Variants in HDAC9 observed in about 807,000 individuals in gnomAD.
HDAC9 encodes the protein histone deacetylase 9.
A neutral mutation model predicts 139.4 loss-of-function variants in HDAC9; 41 were observed. The observed-to-expected ratio is 0.29, with a 90% CI of 0.23 to 0.38. The LOEUF is 0.38. Ranked by LOEUF, HDAC9 falls within the 10% of genes least tolerant of loss-of-function variation. The pLI, the probability that HDAC9 is intolerant of heterozygous loss-of-function variation, is 1.00. For missense variants in HDAC9, 1,147 were observed against 1,297.0 expected, an observed-to-expected ratio of 0.88 and a Z score of 1.78; for synonymous variants, 517 against 476.2, an observed-to-expected ratio of 1.09 and a Z score of -1.12.
intron 25 of HDAC9, among the ~76,000 whole-genome samples, chr7:18,986,961 T>C (rs1785410454): frequency 6.6e-6 from 1 of 151,684 alleles, no homozygotes; most frequent in African/African-American, 2.4e-5. Context: ...CTTAAGGAGA[T>C]TTTGGGCTGA....
intron 13 of HDAC9, among the ~76,000 whole-genome samples, chr7:18,741,491 GA>G (rs973248306): frequency 3.2e-4 from 49 of 152,100 alleles, no homozygotes; most frequent in South Asian, 6.2e-4. Flanking sequence ...GCTCAGGGGG[GA>G]AAAAAAGTTC....
intron 2 of HDAC9, among the ~76,000 whole-genome samples, chr7:18,171,880 T>G (rs1302295617): frequency 2.0e-5 from 3 of 152,222 alleles, no homozygotes; most frequent in African/African-American, 7.2e-5. Flanking sequence ...GCATCGATGT[T>G]CATCAGGGAT....
intron 23 of HDAC9, among the ~76,000 whole-genome samples, chr7:18,942,219 C>T (rs533350541): frequency 1.1e-4 from 17 of 151,944 alleles, no homozygotes; most frequent in South Asian, 1.0e-3. Context: ...CTACAGAGAT[C>T]GAGGAATATT....
intron 1 of HDAC9, among the ~76,000 whole-genome samples, chr7:18,380,401 T>C (rs1785326264): frequency 6.6e-6 from 1 of 152,202 alleles, no homozygotes; most frequent in Non-Finnish European, 1.5e-5. Flanking sequence ...TCAAATTAAA[T>C]TGTATTGATT....
At chr7:18,446,413 A>C (rs1171360270) in intron 1 of HDAC9, among the ~76,000 whole-genome samples, 2 of 152,206 alleles carry the variant, frequency 1.3e-5, no homozygotes, top group African/African-American at 4.8e-5. Context: ...CATAGATTTG[A>C]CAGGACTTGA....
rs185274759 is a variant in HDAC9, at chr7:18,504,693, G to T, written c.22+8369G>T. Among the ~76,000 whole-genome samples the T allele has an allele frequency of 4.3e-4, 66 of 152,282 alleles. 1 individual carries two copies. The highest frequency in any genetic ancestry group is 3.7e-3 in the Admixed American group (56 of 15,296). On this transcript the variant is annotated intron_variant, in intron 2 of 25. Transcript: ENST00000686413. ...TTTTATTATTGACACAATGGCTAAT[G>T]TTTCAAAAGTTTCTCTGTGTATCAC...
chr7:18,841,584 G>A (rs1796587511), intron 21 of HDAC9, among the ~76,000 whole-genome samples: 1 of 152,122 alleles, frequency 6.6e-6, no homozygotes, highest in Non-Finnish European at 1.5e-5. Context: ...GGCTTCTGAG[G>A]CAGCAAGTGT....
intron 1 of HDAC9, chr7:18,087,960 C>A (rs998325497): frequency 6.6e-6 from 1 of 152,242 alleles, no homozygotes; most frequent in Admixed American, 6.5e-5. Context: ...ATCCGAGGCG[C>A]GGTTGTCAGG....
intron 1 of HDAC9, among the ~76,000 whole-genome samples, chr7:18,478,661 A>G (rs1795314138): frequency 6.6e-6 from 1 of 152,192 alleles, no homozygotes; most frequent in Non-Finnish European, 1.5e-5. Context: ...TCCCTTACAA[A>G]ATACAAAGTA....
chr7:18,894,386 G>A (rs1585246091), intron 22 of HDAC9, among the ~76,000 whole-genome samples: 1 of 152,202 alleles, frequency 6.6e-6, no homozygotes, highest in East Asian at 1.9e-4. Context: ...CACTGGCAGA[G>A]TGTGCTGTCC....
In HDAC9 at chr7:18,360,141, A is replaced by G. The variant is rs151043665; in HGVS notation, c.-42+69626A>G. Among the ~76,000 whole-genome samples the G allele has an allele frequency of 6.1e-3, 932 of 152,288 alleles. 9 individuals are homozygous for G. The highest frequency in any genetic ancestry group is 0.022 in the African/African-American group (896 of 41,562). On this transcript the variant is annotated intron_variant, in intron 1 of 3. Coordinates refer to the HDAC9 transcript ENST00000413509. Reference sequence around the variant, plus strand: ...TTTTTATGGTTTCTTGGACTCAACTATAATTGTAATTAAGAGATTAATCTC... The same window carrying G: ...TTTTTATGGTTTCTTGGACTCAACTGTAATTGTAATTAAGAGATTAATCTC...
chr7:18,183,224 T>C (rs928164102), intron 2 of HDAC9, among the ~76,000 whole-genome samples: 7 of 152,140 alleles, frequency 4.6e-5, no homozygotes, highest in Non-Finnish European at 1.0e-4. Context: ...TTAGCCAGGA[T>C]GGTCTTGATC....
chr7:18,281,045 C>A (rs1161523764), intron 2 of HDAC9, among the ~76,000 whole-genome samples: 1 of 152,178 alleles, frequency 6.6e-6, no homozygotes, highest in Non-Finnish European at 1.5e-5. Context: ...CTCTTCCCCT[C>A]TCCTTGACAC....
chr7:18,628,934 C>A (rs79510024), intron 6 of HDAC9, among the ~76,000 whole-genome samples: 4,964 of 152,144 alleles, frequency 0.033, 283 homozygotes, highest in African/African-American at 0.11. Flanking sequence ...TCTCTAAAAT[C>A]ACATTCAGTT....
intron 2 of HDAC9, among the ~76,000 whole-genome samples, chr7:18,263,148 T>C (rs898046560): frequency 6.6e-6 from 1 of 152,070 alleles, no homozygotes; most frequent in African/African-American, 2.4e-5. Flanking sequence ...AGTAAAAGAA[T>C]GTAGAAAGTA....
At chr7:18,632,520 G>A (rs1157638987) in intron 7 of HDAC9, among the ~76,000 whole-genome samples, 1 of 151,902 alleles carries the variant, frequency 6.6e-6, no homozygotes, top group African/African-American at 2.4e-5. Context: ...GGTGGGATTC[G>A]GCCTGCAATG....
At chr7:18,295,951 T>C (rs1017674843) in intron 1 of HDAC9, among the ~76,000 whole-genome samples, 8 of 152,194 alleles carry the variant, frequency 5.3e-5, no homozygotes, top group African/African-American at 1.9e-4. Context: ...CATAGACTAA[T>C]GCAGACCTGC....
At chr7:18,774,731 A>C (rs752121220) in intron 16 of HDAC9, among the ~76,000 whole-genome samples, 9 of 152,050 alleles carry the variant, frequency 5.9e-5, no homozygotes, top group Non-Finnish European at 1.3e-4. Context: ...AGACCACTCA[A>C]ACTTTCTCCA....
intron 2 of HDAC9, among the ~76,000 whole-genome samples, chr7:18,187,911 A>C (rs1288393490): frequency 6.6e-6 from 1 of 152,152 alleles, no homozygotes; most frequent in East Asian, 1.9e-4. Context: ...GTCTGATAAG[A>C]ATCACCTGGG....
Sources: allele counts gnomAD v4.1 joint callset (sites outside exome capture counted in the v4.1 genomes callset), GRCh38; gene constraint gnomAD v4.1.1; transcripts MANE v1.5; gene names NCBI Gene and HGNC (gene_info 2026-07-23, HGNC 2026-07-21).